Variants in XKR6 observed in about 807,000 individuals in gnomAD.
The protein encoded by XKR6 is XK related 6.
Under a neutral mutation model 56.7 loss-of-function variants are expected in XKR6, and 22 were observed. That is an observed-to-expected ratio of 0.39 (90% CI 0.28 to 0.55). The LOEUF is 0.55. XKR6 is among the 20% of genes least tolerant of loss of function. XKR6 has a pLI of 0.66. For missense variants in XKR6, 852 were observed against 889.0 expected, an observed-to-expected ratio of 0.96 and a Z score of 0.53; for synonymous variants, 524 against 387.8, an observed-to-expected ratio of 1.35 and a Z score of -4.13.
chr8:11,146,047 T>C (rs7844248), intron 1 of XKR6, among the ~76,000 whole-genome samples: 7,831 of 151,912 alleles, frequency 0.052, 257 homozygotes, highest in South Asian at 0.11. Flanking sequence ...TTATGGTCAA[T>C]TGACTTTTGA....
At chr8:10,913,398 T>C (rs1234850244) in intron 2 of XKR6, among the ~76,000 whole-genome samples, 1 of 152,058 alleles carries the variant, frequency 6.6e-6, no homozygotes, top group African/African-American at 2.4e-5. Flanking sequence ...AGGTTAACCG[T>C]TGCCTTGCCC....
chr8:11,194,782 G>C (rs1207869302), intron 1 of XKR6: 1 of 271,674 alleles, frequency 3.7e-6, no homozygotes, highest in Non-Finnish European at 7.0e-6. Context: ...TGATGTTGAA[G>C]ACAGAAATGA....
chr8:11,062,132 C>T (rs1415130942), intron 1 of XKR6, among the ~76,000 whole-genome samples: 2 of 152,184 alleles, frequency 1.3e-5, no homozygotes, highest in Non-Finnish European at 2.9e-5. Flanking sequence ...AATATCCCAT[C>T]TGGAAGTATG....
chr8:11,162,771 A>G (rs1270730292), intron 1 of XKR6, among the ~76,000 whole-genome samples: 1 of 152,264 alleles, frequency 6.6e-6, no homozygotes, highest in African/African-American at 2.4e-5. Context: ...TCAGGCTGAC[A>G]CTTGGGAGCC....
chr8:10,965,395 A>G (rs1015485847), intron 1 of XKR6, among the ~76,000 whole-genome samples: 5 of 152,080 alleles, frequency 3.3e-5, no homozygotes, highest in Admixed American at 6.5e-5. Flanking sequence ...AGACTTTCCC[A>G]CTCAAGACAC....
intron 1 of XKR6, among the ~76,000 whole-genome samples, chr8:11,028,905 A>G (rs1366098582): frequency 2.6e-5 from 4 of 152,100 alleles, no homozygotes. Flanking sequence ...GCAGGGTGGG[A>G]TGTGAACTCT....
intron 1 of XKR6, among the ~76,000 whole-genome samples, chr8:11,152,581 T>C (rs1226738054): frequency 2.0e-5 from 3 of 152,328 alleles, no homozygotes; most frequent in Admixed American, 6.5e-5. Context: ...CCCTGAACGT[T>C]TGTCCTAATA....
rs1388873489 is a variant in XKR6, at chr8:10,922,079, T to TGC, written c.961+2554_961+2555insGC. Among the ~76,000 whole-genome samples the TGC allele has an allele frequency of 2.0e-5, 3 of 152,348 alleles. No individual in the cohort carries two copies. In the East Asian group the frequency reaches 5.8e-4, roughly 29 times the overall value. On this transcript the variant is annotated intron_variant, in intron 2 of 2. Transcript: ENST00000416569. ...TCCCTTCCAGGGGATGCAGCCCTCA[T>TGC]TAGGCAGCTGAACCTGCAGGCACCT...
chr8:10,897,799 CT>C lies in XKR6; in HGVS notation c.*152del, dbSNP rs961222705. 0.011 allele frequency: 8,791 copies of C among 812,662 alleles called. No homozygotes were observed. Among genetic ancestry groups the C allele is most frequent in the South Asian group, 0.017 (626 of 37,430 alleles). The allele number at this position is 812,662 out of a possible 1,614,324, so 50.3% of individuals were successfully genotyped here. On this transcript the variant is annotated 3_prime_UTR_variant, in exon 3 of 3. Coordinates refer to ENST00000416569, the MANE Select transcript of XKR6 (RefSeq NM_173683.4). Reference sequence around the variant, plus strand: ...TTGAAGGGGTTGTGACTTATTAATTCTTTTTTTTTTGTAGTGGTGGTGTTGG... The same window carrying C: ...TTGAAGGGGTTGTGACTTATTAATTCTTTTTTTTTGTAGTGGTGGTGTTGG...
At chr8:11,140,847 G>A (rs974283367) in intron 1 of XKR6, among the ~76,000 whole-genome samples, 6 of 144,006 alleles carry the variant, frequency 4.2e-5, no homozygotes, top group African/African-American at 1.6e-4. Flanking sequence ...GTAGTGAGCC[G>A]AGATCGCACT....
intron 1 of XKR6, among the ~76,000 whole-genome samples, chr8:11,119,994 G>A (rs1289182215): frequency 1.3e-5 from 2 of 152,138 alleles, no homozygotes; most frequent in African/African-American, 4.8e-5. Flanking sequence ...AACGCTTCAT[G>A]CTAAAAACTC....
intron 1 of XKR6, among the ~76,000 whole-genome samples, chr8:11,142,534 T>G (rs1800759776): frequency 6.6e-6 from 1 of 152,160 alleles, no homozygotes; most frequent in Non-Finnish European, 1.5e-5. Context: ...CACCATCTCC[T>G]TGGTGATGAG....
At chr8:10,992,135 C>T (rs2129140596) in intron 1 of XKR6, among the ~76,000 whole-genome samples, 1 of 152,310 alleles carries the variant, frequency 6.6e-6, no homozygotes, top group South Asian at 2.1e-4. Flanking sequence ...AAATAGCAGC[C>T]TGATGATATC....
At chr8:11,157,795 G>A (rs1485561451) in intron 1 of XKR6, among the ~76,000 whole-genome samples, 2 of 152,260 alleles carry the variant, frequency 1.3e-5, no homozygotes, top group East Asian at 1.9e-4. Context: ...GATTACAGGC[G>A]TGAGCCACCA....
In XKR6 at chr8:10,897,967, A is replaced by G. The variant is rs1799932167; in HGVS notation, c.1911T>C (p.Tyr637=). Residue 637 remains tyrosine (Y), a synonymous_variant, in exon 3 of 3, where the codon TAT becomes TAC. Coordinates refer to ENST00000416569, the MANE Select transcript of XKR6 (RefSeq NM_173683.4). The stretch of plus-strand genomic sequence containing the variant: ...CAAGATGCTCTTAGAGTGAAGACTC[A>G]TACTGTAGCAACTCATAGAGGAGTG... The part of the protein sequence containing the change: ...DGPLLYELLQ[Y]ESSL The G allele has an allele frequency of 6.3e-7, 1 of 1,588,014 alleles. No homozygotes were observed. The highest frequency in any genetic ancestry group is 8.6e-7 in the Non-Finnish European group (1 of 1,168,102).
chr8:11,144,795 G>C (rs959372146), intron 1 of XKR6, among the ~76,000 whole-genome samples: 11 of 151,376 alleles, frequency 7.3e-5, no homozygotes, highest in Non-Finnish European at 1.3e-4. Flanking sequence ...CTCATCTCCA[G>C]AGCCCTGCCT....
At chr8:11,164,810 C>T (rs116503463) in intron 1 of XKR6, among the ~76,000 whole-genome samples, 91 of 152,322 alleles carry the variant, frequency 6.0e-4, no homozygotes, top group African/African-American at 2.1e-3. Context: ...AAGACCACTC[C>T]TAGCCTTGTA....
At position 10,897,814 on chromosome 8, in the gene XKR6, T is replaced by G; in HGVS notation, c.*138A>C. On this transcript the variant is annotated 3_prime_UTR_variant, in exon 3 of 3. Transcript: ENST00000416569. ...CTTATTAATTCTTTTTTTTTTGTAGTGGTGGTGTTGGTGTGGCGGTGTTGG... is the reference window on the plus strand; with the variant it reads ...CTTATTAATTCTTTTTTTTTTGTAGGGGTGGTGTTGGTGTGGCGGTGTTGG... 2 of 1,043,434 alleles carry G rather than the reference T, an allele frequency of 1.9e-6. No homozygotes were observed. Among genetic ancestry groups the G allele is most frequent in the South Asian group, 2.2e-5 (1 of 45,476 alleles). 64.6% of individuals were successfully genotyped at this position (1,043,434 alleles called of 1,614,324 possible).
chr8:11,070,370 AG>A (rs1247874806), intron 1 of XKR6, among the ~76,000 whole-genome samples: 2 of 152,214 alleles, frequency 1.3e-5, no homozygotes, highest in African/African-American at 2.4e-5. Flanking sequence ...GTGACTCTAA[AG>A]GAACATTTTT....
Sources: allele counts gnomAD v4.1 joint callset (sites outside exome capture counted in the v4.1 genomes callset), GRCh38; gene constraint gnomAD v4.1.1; transcripts MANE v1.5; gene names NCBI Gene and HGNC (gene_info 2026-07-23, HGNC 2026-07-21).